Variants in KCNK2 observed in about 807,000 individuals in gnomAD.
The protein encoded by KCNK2 is potassium two pore domain channel subfamily K member 2.
In KCNK2, 21 loss-of-function variants were observed where a neutral mutation model predicts 40.5. The observed-to-expected ratio is 0.52, with a 90% CI of 0.37 to 0.75. The LOEUF is 0.75. KCNK2 is among the 30% of genes least tolerant of loss of function. The pLI, the probability that KCNK2 is intolerant of heterozygous loss-of-function variation, is 0.00. For missense variants in KCNK2, 399 were observed against 531.6 expected, an observed-to-expected ratio of 0.75 and a Z score of 2.45; for synonymous variants, 191 against 202.2, an observed-to-expected ratio of 0.94 and a Z score of 0.47.
intron 2 of KCNK2, among the ~76,000 whole-genome samples, chr1:215,111,832 G>T (rs1481623100): frequency 6.6e-6 from 1 of 151,178 alleles, no homozygotes; most frequent in African/African-American, 2.5e-5. Flanking sequence ...CTACGCATGT[G>T]AAATAAAGAG....
intron 3 of KCNK2, among the ~76,000 whole-genome samples, chr1:215,158,706 C>T (rs763427747): frequency 9.9e-5 from 15 of 151,960 alleles, no homozygotes; most frequent in African/African-American, 7.3e-5. Flanking sequence ...AGACATTTGT[C>T]GTCTTATGCA....
intron 1 of KCNK2, among the ~76,000 whole-genome samples, chr1:215,040,493 A>C (rs1366182340): frequency 1.3e-5 from 2 of 152,186 alleles, no homozygotes; most frequent in Non-Finnish European, 2.9e-5. Flanking sequence ...ATTAGGAAAG[A>C]TAATTATTCC....
intron 1 of KCNK2, among the ~76,000 whole-genome samples, chr1:215,030,569 C>A (rs1029366364): frequency 2.0e-5 from 3 of 151,674 alleles, no homozygotes; most frequent in African/African-American, 7.3e-5. Context: ...GAGTTTCACT[C>A]TGTGGCCCAG....
At chr1:215,177,648 A>C (rs1664032051) in intron 5 of KCNK2, among the ~76,000 whole-genome samples, 1 of 150,574 alleles carries the variant, frequency 6.6e-6, no homozygotes. Flanking sequence ...GACTTTGTCA[A>C]ACATCACATG....
rs144532714 is a variant in KCNK2 at position 215,136,734 on chromosome 1, T to G, written c.475+11984T>G. On this transcript the variant is annotated intron_variant, in intron 3 of 6. Coordinates refer to ENST00000444842, the MANE Select transcript of KCNK2 (RefSeq NM_001017425.3). ...CACATTGAACACCGGCTGATAAAGC[T>G]TTATACAAGTGCACATGTTGTTTTC... is the stretch of plus-strand genomic sequence containing the variant. Among the ~76,000 whole-genome samples, 128 of 152,298 alleles carry G rather than the reference T, an allele frequency of 8.4e-4. 1 individual carries two copies. Among genetic ancestry groups the G allele is most frequent in the African/African-American group, 2.9e-3 (122 of 41,566 alleles).
At chr1:215,149,470 A>G (rs1662589018) in intron 3 of KCNK2, among the ~76,000 whole-genome samples, 1 of 152,156 alleles carries the variant, frequency 6.6e-6, no homozygotes, top group East Asian at 1.9e-4. Flanking sequence ...TCTTCTATGA[A>G]AAGATACTTT....
At chr1:215,069,803 A>G (rs1012019696) in intron 1 of KCNK2, among the ~76,000 whole-genome samples, 3 of 152,184 alleles carry the variant, frequency 2.0e-5, no homozygotes, top group Admixed American at 2.0e-4. Context: ...TCTATGTTGT[A>G]ACAGAATTAC....
chr1:215,026,834 G>A (rs1657017404), intron 1 of KCNK2, among the ~76,000 whole-genome samples: 1 of 151,802 alleles, frequency 6.6e-6, no homozygotes, highest in African/African-American at 2.4e-5. Context: ...GTGTGTATGT[G>A]TAAACAAACA....
intron 1 of KCNK2, among the ~76,000 whole-genome samples, chr1:215,010,579 C>G (rs1375906310): frequency 6.6e-6 from 1 of 152,124 alleles, no homozygotes; most frequent in Non-Finnish European, 1.5e-5. Flanking sequence ...GGTGCGATTA[C>G]AAGTCATTAA....
At chr1:215,117,869 C>T (rs1375107541) in intron 2 of KCNK2, among the ~76,000 whole-genome samples, 1 of 152,008 alleles carries the variant, frequency 6.6e-6, no homozygotes, top group Non-Finnish European at 1.5e-5. Flanking sequence ...ATCCTGCTGC[C>T]CCTTAGTGGA....
chr1:215,020,145 T>A (rs1164744372), intron 1 of KCNK2, among the ~76,000 whole-genome samples: 3 of 152,140 alleles, frequency 2.0e-5, no homozygotes, highest in Admixed American at 2.0e-4. Flanking sequence ...CTTTCAGAGG[T>A]GTGGCACTTT....
intron 6 of KCNK2, among the ~76,000 whole-genome samples, chr1:215,209,486 TACATATATATA>T (rs1665522773): frequency 8.2e-5 from 3 of 36,628 alleles, no homozygotes; most frequent in African/African-American, 3.1e-4. Context: ...TTATATATAA[TACATATATATA>T]ATATATAATA....
intron 1 of KCNK2, among the ~76,000 whole-genome samples, chr1:215,033,701 AG>A (rs1362479559): frequency 6.6e-6 from 1 of 152,118 alleles, no homozygotes; most frequent in African/African-American, 2.4e-5. Flanking sequence ...TCCATGTGGA[AG>A]GATAGAGGGG....
chr1:215,131,473 T>A (rs1661677660), intron 3 of KCNK2, among the ~76,000 whole-genome samples: 1 of 147,318 alleles, frequency 6.8e-6, no homozygotes, highest in Non-Finnish European at 1.5e-5. Flanking sequence ...AATTATATAT[T>A]GATATTAATG....
At chr1:215,079,557 A>G (rs1181289890), upstream of KCNK2, among the ~76,000 whole-genome samples, 1 of 152,224 alleles carries the variant, frequency 6.6e-6, no homozygotes, top group Admixed American at 6.5e-5. Context: ...AGAACTCATT[A>G]TCAGAACAGC....
intron 2 of KCNK2, among the ~76,000 whole-genome samples, chr1:215,095,288 T>C (rs1659929328): frequency 6.6e-6 from 1 of 152,096 alleles, no homozygotes; most frequent in Admixed American, 6.6e-5. Context: ...GATTCTTCCT[T>C]ATGACCCCAT....
chr1:215,070,940 G>A lies in KCNK2; in HGVS notation c.35-15428G>A, dbSNP rs145815688. Among the ~76,000 whole-genome samples, 405 of 152,216 alleles carry A rather than the reference G, an allele frequency of 2.7e-3. 4 individuals are homozygous for A. Among genetic ancestry groups the A allele is most frequent in the African/African-American group, 9.3e-3 (386 of 41,522 alleles). On this transcript the variant is annotated intron_variant, in intron 1 of 6. Transcript: ENST00000391895. ...GAATATACTCAGAATATATGATCAG[G>A]CAATTGTCCTGAGCAAATTAAATTA... is the stretch of plus-strand genomic sequence containing the variant.
chr1:215,023,620 A>C (rs994267296), intron 1 of KCNK2, among the ~76,000 whole-genome samples: 2 of 152,246 alleles, frequency 1.3e-5, no homozygotes, highest in South Asian at 2.1e-4. Flanking sequence ...TTTTCCAGCT[A>C]AAGTCCAGCA....
chr1:215,176,214 G>A (rs1663962124), intron 5 of KCNK2, among the ~76,000 whole-genome samples: 1 of 152,036 alleles, frequency 6.6e-6, no homozygotes, highest in Non-Finnish European at 1.5e-5. Flanking sequence ...ATATCTCATT[G>A]TGGTTTTGAT....
Sources: allele counts gnomAD v4.1 joint callset (sites outside exome capture counted in the v4.1 genomes callset), GRCh38; gene constraint gnomAD v4.1.1; transcripts MANE v1.5; gene names NCBI Gene and HGNC (gene_info 2026-07-23, HGNC 2026-07-21).